The following ST8SIA6 variants were observed in gnomAD, a reference collection of about 807,000 sequenced individuals.
ST8SIA6 encodes the protein ST8 alpha-N-acetyl-neuraminide alpha-2,8-sialyltransferase 6, also known as alpha-2,8-sialyltransferase 8F.
ST8SIA6 carries 39 observed loss-of-function variants against 33.6 expected under a neutral mutation model. The ratio of observed to expected loss-of-function variants is 1.16; its 90% CI spans 0.90 to 1.52. ST8SIA6 has a LOEUF of 1.52. ST8SIA6 is among the 40% of genes most tolerant of loss of function. The pLI is 0.00. For synonymous variants in ST8SIA6, 172 were observed against 167.2 expected, an observed-to-expected ratio of 1.03 and a Z score of -0.22; for missense variants, 441 against 443.8, an observed-to-expected ratio of 0.99 and a Z score of 0.06.
chr10:17,407,285 C>T (rs543292188), intron 2 of ST8SIA6, among the ~76,000 whole-genome samples: 8 of 152,306 alleles, frequency 5.3e-5, no homozygotes, highest in East Asian at 1.9e-4. Context: ...GAACTTGGGG[C>T]GGCCCCTGTC....
chr10:17,362,931 C>T (rs767763864), intron 3 of ST8SIA6, among the ~76,000 whole-genome samples: 3 of 151,978 alleles, frequency 2.0e-5, no homozygotes, highest in Admixed American at 1.3e-4. Flanking sequence ...AGGCTGATCT[C>T]GAACTCCTGA....
chr10:17,357,958 G>A (rs1849252790), intron 4 of ST8SIA6, among the ~76,000 whole-genome samples: 2 of 152,090 alleles, frequency 1.3e-5, no homozygotes, highest in South Asian at 4.1e-4. Flanking sequence ...GATCATTTAG[G>A]TTATGATTGT....
intron 3 of ST8SIA6, among the ~76,000 whole-genome samples, chr10:17,368,232 C>CAAAAAAAAA (rs61426907): frequency 5.4e-5 from 4 of 74,202 alleles, no homozygotes; most frequent in African/African-American, 1.1e-4. Context: ...CCTGTCTCTA[C>CAAAAAAAAA]AAAAAAAAAA....
chr10:17,386,307 C>T (rs1008802633), intron 3 of ST8SIA6, among the ~76,000 whole-genome samples: 3 of 151,820 alleles, frequency 2.0e-5, no homozygotes, highest in African/African-American at 7.3e-5. Context: ...GTCAGGAGCT[C>T]GATCACAAGG....
intron 6 of ST8SIA6, among the ~76,000 whole-genome samples, chr10:17,324,253 A>G (rs571341712): frequency 7.4e-4 from 113 of 152,272 alleles, no homozygotes; most frequent in Middle Eastern, 3.4e-3. Context: ...GGTCTATAAC[A>G]TGACAGAAGA....
At chr10:17,432,914 G>C (rs112576270) in intron 2 of ST8SIA6, among the ~76,000 whole-genome samples, 1,876 of 152,180 alleles carry the variant, frequency 0.012, 29 homozygotes, top group African/African-American at 0.043. Flanking sequence ...AACCAACCCA[G>C]CTGTTTCTGT....
intron 5 of ST8SIA6, 124 bp from the exon 6 acceptor site, chr10:17,327,250 C>A (rs1848162333): frequency 1.5e-6 from 1 of 669,858 alleles, no homozygotes. Context: ...CAAGAAAAAG[C>A]AGCAGCCCAG....
At chr10:17,343,060 T>C (rs545580234) in intron 4 of ST8SIA6, among the ~76,000 whole-genome samples, 1 of 152,206 alleles carries the variant, frequency 6.6e-6, no homozygotes, top group Non-Finnish European at 1.5e-5. Context: ...ATCATTCCTT[T>C]CGCAAATATT....
chr10:17,396,042 A>G (rs1189244003), intron 2 of ST8SIA6, among the ~76,000 whole-genome samples: 1 of 152,196 alleles, frequency 6.6e-6, no homozygotes, highest in South Asian at 2.1e-4. Flanking sequence ...TCGGGTTAGC[A>G]TGAGAAGCCT....
At chr10:17,389,494 G>A (rs1295561424) in intron 3 of ST8SIA6, among the ~76,000 whole-genome samples, 1 of 152,108 alleles carries the variant, frequency 6.6e-6, no homozygotes. Flanking sequence ...CAGCACCATT[G>A]GACTGGGCAC....
At chr10:17,402,089 A>T (rs1432808824) in intron 2 of ST8SIA6, among the ~76,000 whole-genome samples, 2 of 152,206 alleles carry the variant, frequency 1.3e-5, no homozygotes, top group Non-Finnish European at 2.9e-5. Context: ...TTTACAAGAA[A>T]AAAACAACCC....
At chr10:17,420,057 G>A (rs958498859) in intron 2 of ST8SIA6, among the ~76,000 whole-genome samples, 8 of 152,148 alleles carry the variant, frequency 5.3e-5, no homozygotes, top group African/African-American at 1.2e-4. Context: ...TGATAACCAT[G>A]ATATAGTTAA....
chr10:17,435,245 A>G (rs1450147621), intron 2 of ST8SIA6, among the ~76,000 whole-genome samples: 1 of 152,186 alleles, frequency 6.6e-6, no homozygotes, highest in East Asian at 1.9e-4. Flanking sequence ...GGTCTCCCCA[A>G]GGTCCTCTGT....
intron 2 of ST8SIA6, among the ~76,000 whole-genome samples, chr10:17,428,238 G>A (rs1035671094): frequency 6.6e-6 from 1 of 152,148 alleles, no homozygotes; most frequent in Non-Finnish European, 1.5e-5. Context: ...ACCCAGCTGG[G>A]TGTGTCCTGG....
intron 2 of ST8SIA6, 112 bp downstream of exon 2, chr10:17,453,447 T>A: frequency 2.7e-6 from 2 of 739,780 alleles, no homozygotes; most frequent in Non-Finnish European, 1.8e-6. Flanking sequence ...TTACACTCAC[T>A]CGCGCCGTCC....
chr10:17,370,076 G>C (rs1462366814), intron 3 of ST8SIA6, among the ~76,000 whole-genome samples: 1 of 151,770 alleles, frequency 6.6e-6, no homozygotes, highest in Non-Finnish European at 1.5e-5. Flanking sequence ...CGCCTCCTGG[G>C]TTCACGCCAT....
intron 3 of ST8SIA6, among the ~76,000 whole-genome samples, chr10:17,385,752 A>G (rs561720839): frequency 6.6e-6 from 1 of 152,284 alleles, no homozygotes; most frequent in East Asian, 1.9e-4. Context: ...CAGAAGCCTG[A>G]CAGAGGTCTC....
intron 2 of ST8SIA6, among the ~76,000 whole-genome samples, chr10:17,401,410 C>A (rs112889443): frequency 0.059 from 9,052 of 152,268 alleles, 380 homozygotes; most frequent in Non-Finnish European, 0.075. Context: ...TGACTTTCTT[C>A]ACAGAATTGG....
At chr10:17,432,501 T>G (rs1416697496) in intron 2 of ST8SIA6, among the ~76,000 whole-genome samples, 1 of 152,036 alleles carries the variant, frequency 6.6e-6, no homozygotes, top group Non-Finnish European at 1.5e-5. Context: ...TTATTGCCAG[T>G]TTATGACCTT....
Sources: gnomAD v4.1 joint callset for allele counts (sites outside exome capture counted in the v4.1 genomes callset) on GRCh38, gnomAD v4.1.1 for gene constraint, MANE v1.5 for transcripts, NCBI Gene and HGNC (gene_info 2026-07-23, HGNC 2026-07-21) for gene names.